The following ZNF469 variants were observed in gnomAD, a reference collection of about 807,000 sequenced individuals.
ZNF469 encodes zinc finger protein 469.
In ZNF469, 1 loss-of-function variant was observed where a neutral mutation model predicts 1.0. That is an observed-to-expected ratio of 1.00 (90% CI 0.35 to 4.73). The LOEUF (loss-of-function observed/expected upper bound fraction) is 4.73. Ranked by LOEUF, ZNF469 falls within the 30% of genes most tolerant of loss-of-function variation. The probability of loss-of-function intolerance (pLI) is 0.16; values close to 1 mark genes in which losing one functional copy is unlikely to be tolerated. For missense variants in ZNF469, 6,100 were observed against 5,356.3 expected (o/e 1.14, Z -4.33); for synonymous variants, 2,703 against 2,363.4 (o/e 1.14, Z -4.17).
In ZNF469 at chr16:88,437,797, G is replaced by C. The variant is rs532857190; in HGVS notation, c.10327G>C (p.Gly3443Arg). Reference sequence around the variant, plus strand: ...CCGCCACATGAACAAGCACCTCAGGGGGGGGCGGCAGCCCTTCGCGTTCCG... The same window carrying C: ...CCGCCACATGAACAAGCACCTCAGGCGGGGGCGGCAGCCCTTCGCGTTCCG... ...FDRHMNKHLR[G>R]GRQPFAFRGV... Residue 3443 changes from glycine (G) to arginine (R), a missense_variant, in exon 3 of 3, where the codon GGG becomes CGG. Gly to Arg is a moderately radical substitution (Grantham distance 125). Transcript: ENST00000565624. 3.5e-3 allele frequency: 5,387 copies of C among 1,546,284 alleles called. 19 individuals carry two copies. The highest frequency in any genetic ancestry group is 4.3e-3 in the Non-Finnish European group (4,868 of 1,143,882).
chr16:88,425,120 ACTCCTTCCCTTGATAAATCAGACCAG>A (rs1350254707), intron 2 of ZNF469, among the ~76,000 whole-genome samples: 1 of 151,826 alleles, frequency 6.6e-6, no homozygotes, highest in Non-Finnish European at 1.5e-5. Context: ...AGCAGGCCTC[ACTCCTTCCCTTGATAAATCAGACCAG>A]CTCCTTCCCT....
At chr16:88,121,478 G>A in the ZNF469 span, among the ~76,000 whole-genome samples, 740 of 152,296 alleles carry the variant, frequency 4.9e-3, 7 homozygotes, top group African/African-American at 0.016. Context: ...TGAAACGTTC[G>A]CAAAGAAACA....
In ZNF469 at chr16:88,429,167, C is replaced by T. The variant is rs181785233; in HGVS notation, c.1697C>T (p.Ala566Val). 0.017 allele frequency: 25,868 copies of T among 1,549,950 alleles called. 258 individuals carry two copies. Among genetic ancestry groups the T allele is most frequent in the South Asian group, 0.021 (1,770 of 84,060 alleles). The change falls in exon 3 of 3, where the codon GCC becomes GTC. Residue 566 changes from alanine (A) to valine (V), a missense_variant. Transcript: ENST00000565624. ...GCTCAGCCCCTGTTCTTCGGGGTGG[C>T]CCAGCCCCAGGTTTCACCCCACGGG... The part of the protein sequence containing the change: ...PGAQPLFFGV[A>V]QPQVSPHGTP...
the ZNF469 span, among the ~76,000 whole-genome samples, chr16:88,230,512 C>T: frequency 2.0e-5 from 3 of 150,940 alleles, no homozygotes; most frequent in Admixed American, 6.6e-5. Flanking sequence ...GAACGTGGAA[C>T]GCACCAAGGA....
the ZNF469 span, among the ~76,000 whole-genome samples, chr16:88,228,607 T>G: frequency 6.6e-6 from 1 of 152,222 alleles, no homozygotes; most frequent in Non-Finnish European, 1.5e-5. Context: ...GCAACTCCTG[T>G]TTTTTTGCAA....
At chr16:88,304,040 G>A in the ZNF469 span, among the ~76,000 whole-genome samples, 6 of 152,202 alleles carry the variant, frequency 3.9e-5, no homozygotes, top group East Asian at 1.9e-4. Flanking sequence ...GGGCAACTCC[G>A]CAGCTCCTGG....
At chr16:88,140,998 T>C in the ZNF469 span, among the ~76,000 whole-genome samples, 1 of 152,148 alleles carries the variant, frequency 6.6e-6, no homozygotes, top group Admixed American at 6.5e-5. Context: ...CAAGAGAATT[T>C]AATGTAGGAA....
At chr16:88,193,117 A>ATGG in the ZNF469 span, among the ~76,000 whole-genome samples, 1 of 67,242 alleles carries the variant, frequency 1.5e-5, no homozygotes, top group Admixed American at 1.3e-4. Context: ...GGTGGTGGTG[A>ATGG]TGGTGGTGGT....
the ZNF469 span, among the ~76,000 whole-genome samples, chr16:88,164,942 G>A: frequency 6.6e-6 from 1 of 152,206 alleles, no homozygotes; most frequent in African/African-American, 2.4e-5. Flanking sequence ...GGCAGTAGGT[G>A]GTGTGCCCCG....
chr16:88,152,391 G>A, the ZNF469 span, among the ~76,000 whole-genome samples: 3 of 152,198 alleles, frequency 2.0e-5, no homozygotes, highest in African/African-American at 4.8e-5. This position sits in a 1 kb window ranked among gnomAD's most constrained non-coding sequence, Gnocchi z 4.2. Context: ...GGCTGGGGGA[G>A]CGCAGCTGCT....
chr16:88,246,883 ATGAGTGAG>A, the ZNF469 span, among the ~76,000 whole-genome samples: 9 of 150,944 alleles, frequency 6.0e-5, no homozygotes, highest in South Asian at 8.4e-4. Context: ...GAGTGAATGA[ATGAGTGAG>A]TGAATGAGTG....
At chr16:88,282,013 T>C in the ZNF469 span, among the ~76,000 whole-genome samples, 4 of 152,266 alleles carry the variant, frequency 2.6e-5, no homozygotes, top group East Asian at 3.8e-4. Flanking sequence ...TTAGTACTAA[T>C]GAGCCAACAT....
chr16:88,109,999 ACTCTT>A, the ZNF469 span, among the ~76,000 whole-genome samples: 1 of 151,760 alleles, frequency 6.6e-6, no homozygotes, highest in Non-Finnish European at 1.5e-5. Context: ...ATTCGAGAAA[ACTCTT>A]CCTGCAAACA....
rs1455152689 is a variant in ZNF469 at position 88,436,243 on chromosome 16, C to G, written c.8773C>G (p.Pro2925Ala). ...SSSLCLCHEDPWEDEDPAGLP... is the reference protein window; with the variant it reads ...SSSLCLCHEDAWEDEDPAGLP... The stretch of plus-strand genomic sequence containing the variant: ...CTCCCTCTGCCTCTGCCATGAGGAC[C>G]CGTGGGAGGACGAGGATCCCGCAGG... Residue 2925 changes from proline (P) to alanine (A), a missense_variant, in exon 3 of 3, where the codon CCG (proline) becomes GCG (alanine). Physicochemically the swap from Pro to Ala is conservative, Grantham distance 27. Transcript: ENST00000565624. 6.5e-7 allele frequency: 1 copy of G among 1,549,628 alleles called. No homozygotes were observed. Among genetic ancestry groups the G allele is most frequent in the Admixed American group, 2.0e-5 (1 of 51,010 alleles).
At position 88,429,389 on chromosome 16, in the gene ZNF469, A is replaced by ACC; in HGVS notation, c.1923_1924dup (p.Gln642ProfsTer91). ...TCGGCCTTCTTCCACCCACCCACTC[A>ACC]CCCCCAGGAGACGGGCAGCCCCTTC... On this transcript the variant is annotated frameshift_variant, in exon 3 of 3. Transcript: ENST00000565624. LOFTEE classifies it low-confidence loss of function (END_TRUNC). The ACC allele has an allele frequency of 6.6e-7, 1 of 1,524,618 alleles. No individual in the cohort carries two copies. Among genetic ancestry groups the ACC allele is most frequent in the Non-Finnish European group, 8.8e-7 (1 of 1,134,888 alleles). The allele number at this position is 1,524,618 out of a possible 1,614,324, so 94.4% of individuals were successfully genotyped here. A position where few individuals can be genotyped will look rare whatever the true frequency, so the allele number is the denominator to read the frequency against.
the ZNF469 span, among the ~76,000 whole-genome samples, chr16:88,148,054 C>T: frequency 6.6e-6 from 1 of 151,894 alleles, no homozygotes; most frequent in East Asian, 1.9e-4. Flanking sequence ...TGTCTTTGCA[C>T]CCCGCTCTGC....
At chr16:88,355,164 G>T in the ZNF469 span, among the ~76,000 whole-genome samples, 1 of 152,160 alleles carries the variant, frequency 6.6e-6, no homozygotes, top group Non-Finnish European at 1.5e-5. Context: ...GCCAGCCTCG[G>T]CCTCTCAACT....
chr16:88,355,598 G>A, the ZNF469 span, among the ~76,000 whole-genome samples: 111 of 152,326 alleles, frequency 7.3e-4, no homozygotes, highest in Admixed American at 3.7e-3. Context: ...TGGTCAGATC[G>A]GCCTGGCTGT....
At chr16:88,138,345 A>T in the ZNF469 span, among the ~76,000 whole-genome samples, 52 of 152,254 alleles carry the variant, frequency 3.4e-4, no homozygotes, top group Admixed American at 1.7e-3. Flanking sequence ...CAAATGCCAC[A>T]CCAAAGTCTT....
Sources: gnomAD v4.1 joint callset for allele counts (sites outside exome capture counted in the v4.1 genomes callset) on GRCh38, gnomAD v4.1.1 for gene constraint, Gnocchi (gnomAD v3.1) non-coding constraint, MANE v1.5 for transcripts, NCBI Gene and HGNC (gene_info 2026-07-23, HGNC 2026-07-21) for gene names.